The following SETDB1 variants were observed in gnomAD, a reference collection of about 807,000 sequenced individuals.
SETDB1 encodes histone-lysine N-methyltransferase SETDB1.
In SETDB1, 31 loss-of-function variants were observed where a neutral mutation model predicts 137.4. The ratio of observed to expected loss-of-function variants is 0.23; its 90% CI spans 0.17 to 0.30. The LOEUF (loss-of-function observed/expected upper bound fraction) is 0.30, where lower values mean the gene tolerates loss of function less well. Among genes scored for constraint, SETDB1 ranks in the 10% least tolerant of loss-of-function variants. The pLI is 1.00. For synonymous variants in SETDB1, 548 were observed against 579.9 expected, an observed-to-expected ratio of 0.95 and a Z score of 0.79; for missense variants, 1,113 against 1,631.5, an observed-to-expected ratio of 0.68 and a Z score of 5.47.
intron 10 of SETDB1, 79 bp from the exon 11 acceptor site, chr1:150,949,043 A>T: frequency 7.4e-7 from 1 of 1,350,560 alleles, no homozygotes; most frequent in Admixed American, 2.0e-5. Flanking sequence ...ATATTGTATA[A>T]GTTAAGGATC....
rs144353839 is a variant in SETDB1 at position 150,950,686 on chromosome 1, G to A, written c.1812G>A (p.Pro604=). Residue 604 remains proline (P), a synonymous_variant, in exon 13 of 22, where the codon CCG becomes CCA. Transcript: ENST00000692827. ...GGGGCAAGAACCCTCTGCTGGTCCC[G>A]TTACTATATGACTTCCGGCGGATGA... The part of the protein sequence containing the change: ...QYRGKNPLLV[P]LLYDFRRMTA... 205 of 1,614,076 alleles carry A rather than the reference G, an allele frequency of 1.3e-4. 1 individual carries two copies. Among genetic ancestry groups the A allele is most frequent in the Middle Eastern group, 1.6e-4 (1 of 6,084 alleles).
intron 3 of SETDB1, among the ~76,000 whole-genome samples, chr1:150,934,907 C>G (rs1285840823): frequency 6.6e-6 from 1 of 151,938 alleles, no homozygotes; most frequent in African/African-American, 2.4e-5. Flanking sequence ...CTGCATCCTC[C>G]ACCTTCCAGG....
At position 150,960,741 on chromosome 1, in the gene SETDB1, C is replaced by T. The variant is rs372233651; in HGVS notation, c.2682C>T (p.Ser894=). Residue 894 remains serine, a synonymous_variant, in exon 16 of 22, where the codon AGC becomes AGT. Coordinates refer to ENST00000692827, the MANE Select transcript of SETDB1 (RefSeq NM_001366418.1). ...TGAAGGACCAGGAAGATGGCAACAG[C>T]GGTACAGAGGACCCTGAAGAGTCCA... ...VDLKDQEDGN[S]GTEDPEESND... 118 of 1,610,988 alleles carry T rather than the reference C, an allele frequency of 7.3e-5. 1 individual carries two copies. Among genetic ancestry groups the T allele is most frequent in the African/African-American group, 5.5e-4 (41 of 74,766 alleles).
Position 150,961,079 on chromosome 1 carries a change from C to T in SETDB1, c.3020C>T (p.Thr1007Ile). 6.7e-7 allele frequency: 1 copy of T among 1,490,872 alleles called. No individual in the cohort carries two copies. Among genetic ancestry groups the T allele is most frequent in the Non-Finnish European group, 9.2e-7 (1 of 1,081,264 alleles). 92.4% of individuals were successfully genotyped at this position (1,490,872 alleles called of 1,614,324 possible). A position where few individuals can be genotyped will look rare whatever the true frequency, so the allele number is the denominator to read the frequency against. ...TCTGATAGCCATTCATCCTTCAAGA[C>T]TAATGAAGGTGGGGAGGGCCGGGCT... ...ADSDSHSSFK[T>I]NEGGEGRAGG... Residue 1007 changes from threonine (T) to isoleucine (I), a missense_variant, in exon 16 of 22, where the codon ACT (threonine) becomes ATT (isoleucine). Around this residue, in one of 11 missense-constraint regions of SETDB1, gnomAD observed 373 missense variants for 412.7 expected, o/e 0.90. Coordinates refer to ENST00000692827, the MANE Select transcript of SETDB1 (RefSeq NM_001366418.1).
At chr1:150,953,596 A>G (rs1670557964) in intron 14 of SETDB1, among the ~76,000 whole-genome samples, 1 of 152,006 alleles carries the variant, frequency 6.6e-6, no homozygotes, top group Non-Finnish European at 1.5e-5. Flanking sequence ...TGGGAGGCCA[A>G]GGTGGGTGGA....
chr1:150,963,862 G>A lies in SETDB1; in HGVS notation c.3672+121G>A, dbSNP rs775536977. The stretch of plus-strand genomic sequence containing the variant: ...CTTGATCTCAAAGGATCTTAAAGAG[G>A]TAGCTTTCTTTCAAAGCATCTATTA... On this transcript the variant is annotated intron_variant, in intron 20 of 21. Coordinates refer to ENST00000692827, the MANE Select transcript of SETDB1 (RefSeq NM_001366418.1). The A allele has an allele frequency of 2.3e-6, 3 of 1,299,400 alleles. No homozygotes were observed. In the Admixed American group the frequency reaches 5.6e-5, roughly 24 times the overall value. 80.5% of individuals were successfully genotyped at this position (1,299,400 alleles called of 1,614,324 possible).
intron 14 of SETDB1, among the ~76,000 whole-genome samples, chr1:150,953,019 A>T (rs1247195960): frequency 1.3e-5 from 2 of 152,236 alleles, no homozygotes; most frequent in Non-Finnish European, 2.9e-5. Flanking sequence ...GAGTATTTAA[A>T]GCCTGAATAA....
chr1:150,931,678 A>C (rs1304720405), intron 3 of SETDB1, among the ~76,000 whole-genome samples: 1 of 135,056 alleles, frequency 7.4e-6, no homozygotes. Context: ...AAAAGAAACC[A>C]CACTACTGCA....
At chr1:150,964,151 C>T (rs1670915252) in intron 21 of SETDB1, 68 bp downstream of exon 21, 1 of 1,530,814 alleles carries the variant, frequency 6.5e-7, no homozygotes, top group East Asian at 2.2e-5. Context: ...GGCCCCTCCT[C>T]CATTCATGAT....
At chr1:150,963,180 A>G (rs761646567) in intron 19 of SETDB1, 41 bp downstream of exon 19, 1 of 1,578,762 alleles carries the variant, frequency 6.3e-7, no homozygotes, top group African/African-American at 1.4e-5. Flanking sequence ...AAGAAATAGT[A>G]AGAAACTTGG....
Position 150,951,066 on chromosome 1 carries a change from A to C in SETDB1, c.2192A>C (p.Asp731Ala), listed in dbSNP as rs1323359707. 3 of 1,610,432 alleles carry C rather than the reference A, an allele frequency of 1.9e-6. No individual in the cohort carries two copies. Among genetic ancestry groups the C allele is most frequent in the Non-Finnish European group, 2.5e-6 (3 of 1,177,082 alleles). The change falls in exon 13 of 22, where the codon GAC becomes GCC. Residue 731 changes from aspartate to alanine, a missense_variant. Around this residue, in one of 11 missense-constraint regions of SETDB1, gnomAD observed 81 missense variants for 123.4 expected, o/e 0.66. Transcript: ENST00000692827. ...GGCCCTGAATTTCTGGTTGGCTGTG[A>C]CTGCAAGGATGGGTGTCGGGACAAG... ...NTGPEFLVGCDCKDGCRDKSK... is the reference protein window; with the variant it reads ...NTGPEFLVGCACKDGCRDKSK...
chr1:150,954,995 C>T (rs769701675), intron 14 of SETDB1, among the ~76,000 whole-genome samples: 3 of 152,124 alleles, frequency 2.0e-5, no homozygotes, highest in South Asian at 2.1e-4. Flanking sequence ...GCTGTAGGAG[C>T]GACTTCTTCA....
At chr1:150,930,391 A>G (rs1392993656) in intron 3 of SETDB1, 3 of 340,200 alleles carry the variant, frequency 8.8e-6, no homozygotes, top group Non-Finnish European at 1.6e-5. Flanking sequence ...GCCAGGACTT[A>G]TAGTGAGTGT....
intron 3 of SETDB1, among the ~76,000 whole-genome samples, chr1:150,933,908 T>G (rs1243128173): frequency 6.7e-6 from 1 of 149,588 alleles, no homozygotes; most frequent in Non-Finnish European, 1.5e-5. Flanking sequence ...CTCAGCCTCC[T>G]AAGTAGCTGG....
intron 19 of SETDB1, 49 bp from the exon 20 acceptor site, chr1:150,963,477 ATGTC>A: frequency 7.2e-7 from 1 of 1,383,264 alleles, no homozygotes; most frequent in South Asian, 1.3e-5. Flanking sequence ...TCATGATAGA[ATGTC>A]TGTTCATGAG....
intron 2 of SETDB1, 41 bp downstream of exon 2, chr1:150,928,015 G>A: frequency 6.3e-7 from 1 of 1,590,878 alleles, no homozygotes; most frequent in Non-Finnish European, 8.6e-7. Flanking sequence ...CTCTCCATTG[G>A]GAGATGTTTT....
chr1:150,937,957 C>T (rs1379823937), intron 3 of SETDB1, among the ~76,000 whole-genome samples: 2 of 152,164 alleles, frequency 1.3e-5, no homozygotes, highest in Non-Finnish European at 1.5e-5. Flanking sequence ...GGGCCAGTCA[C>T]GGTGGCTCAT....
chr1:150,961,855 C>T, intron 16 of SETDB1: 2 of 500,098 alleles, frequency 4.0e-6, no homozygotes, highest in East Asian at 3.0e-5. Flanking sequence ...ATGCTGCTTT[C>T]CACATTACAG....
intron 3 of SETDB1, 92 bp from the exon 4 acceptor site, chr1:150,939,848 A>C: frequency 2.3e-6 from 2 of 851,882 alleles, no homozygotes; most frequent in Non-Finnish European, 3.8e-6. Context: ...TAATGCTCCC[A>C]TAATAATGCT....
Sources: gnomAD v4.1 joint callset for allele counts (sites outside exome capture counted in the v4.1 genomes callset) on GRCh38, gnomAD v4.1.1 for gene constraint, gnomAD v4.1.1 regional missense constraint, MANE v1.5 for transcripts, NCBI Gene and HGNC (gene_info 2026-07-23, HGNC 2026-07-21) for gene names.